ASPA: variants seen among roughly 807,000 people sequenced by gnomAD.
ASPA encodes the protein ACY-2.
ASPA carries 25 observed loss-of-function variants against 29.6 expected under a neutral mutation model. That is an observed-to-expected ratio of 0.85 (90% CI 0.62 to 1.18). ASPA has a LOEUF of 1.18. Ranked by LOEUF, ASPA falls within the 50% of genes most tolerant of loss-of-function variation. The pLI is 0.00. For synonymous variants in ASPA, 131 were observed against 130.3 expected, an observed-to-expected ratio of 1.01 and a Z score of -0.04; for missense variants, 333 against 385.7, an observed-to-expected ratio of 0.86 and a Z score of 1.14.
intron 1 of ASPA, among the ~76,000 whole-genome samples, chr17:3,477,615 G>A (rs2150743075): frequency 6.6e-6 from 1 of 151,986 alleles, no homozygotes; most frequent in African/African-American, 2.4e-5. Flanking sequence ...ACCATGTCCG[G>A]GTAATTTTTT....
rs2073699287 is a variant in ASPA, at chr17:3,485,275, G to T, written c.526+1683G>T. 1.3e-5 allele frequency among the ~76,000 whole-genome samples: 2 copies of T among 152,150 alleles called. 1 individual carries two copies. The highest frequency in any genetic ancestry group is 4.1e-4 in the South Asian group (2 of 4,826). ...TCCTCCCACCTTGGCCTCCCAAAGT[G>T]CTGGGATTACAAGCGTGAGCCACCA... On this transcript the variant is annotated intron_variant, in intron 3 of 5. Coordinates refer to ENST00000263080, the MANE Select transcript of ASPA (RefSeq NM_000049.4). This position sits in a 1 kb window ranked among gnomAD's most constrained non-coding sequence, Gnocchi z 4.4.
rs1597440488 is a variant in ASPA, at chr17:3,490,419, T to TA, written c.634+1077_634+1078insA. Among the ~76,000 whole-genome samples, 3 of 152,344 alleles carry TA rather than the reference T, an allele frequency of 2.0e-5. No homozygotes were observed. Among genetic ancestry groups the TA allele is most frequent in the South Asian group, 2.1e-4 (1 of 4,830 alleles). On this transcript the variant is annotated intron_variant, in intron 4 of 5. Coordinates refer to ENST00000263080, the MANE Select transcript of ASPA (RefSeq NM_000049.4). The surrounding 1 kb of genome is among the most constrained non-coding windows in gnomAD (Gnocchi z 4.6). ...TGCTTAAAATCAAAGAGACATTCTA[T>TA]GTAAACAATTATTCCAACAGACTGA...
At position 3,499,296 on chromosome 17, in the gene ASPA, G is replaced by A. The variant is rs1000478747; in HGVS notation, c.*208G>A. 8 of 468,686 alleles carry A rather than the reference G, an allele frequency of 1.7e-5. No homozygotes were observed. The highest frequency in any genetic ancestry group is 3.0e-5 in the Non-Finnish European group (8 of 270,346). The allele number at this position is 468,686 out of a possible 1,614,324, so 29.0% of individuals were successfully genotyped here. A position where few individuals can be genotyped will look rare whatever the true frequency, so the allele number is the denominator to read the frequency against. On this transcript the variant is annotated 3_prime_UTR_variant, in exon 6 of 6. Transcript: ENST00000263080. ...ATGTATGTAGCTTATTCAAAGAAGT[G>A]TTTCCTATTTCTATATAGTTTATTA...
intron 1 of ASPA, among the ~76,000 whole-genome samples, chr17:3,479,987 G>A (rs1479791999): frequency 2.0e-5 from 3 of 152,088 alleles, no homozygotes; most frequent in Non-Finnish European, 4.4e-5. Context: ...ACTGGCCCTT[G>A]TGCCAGAAAA....
At position 3,502,562 on chromosome 17, in the gene ASPA, G is replaced by A. The variant is rs2074003268; in HGVS notation, c.*3474G>A. 1 of 152,202 alleles carries A rather than the reference G, an allele frequency of 6.6e-6. No individual in the cohort carries two copies. The highest frequency in any genetic ancestry group is 6.5e-5 in the Admixed American group (1 of 15,280). 9.4% of individuals were successfully genotyped at this position (152,202 alleles called of 1,614,324 possible). On this transcript the variant is annotated 3_prime_UTR_variant, in exon 6 of 6. Coordinates refer to ENST00000263080, the MANE Select transcript of ASPA (RefSeq NM_000049.4). ...GGAGACTTTTAAGTGCTGTTTTGTA[G>A]ATGAAATATGAAAGAGAAACAAGGG...
At position 3,485,307 on chromosome 17, in the gene ASPA, T is replaced by C. The variant is rs1282854350; in HGVS notation, c.526+1715T>C. ...TTACAAGCGTGAGCCACCACACCTGTACCTCATTCACAGTTTTAATCACAC... is the reference window on the plus strand; with the variant it reads ...TTACAAGCGTGAGCCACCACACCTGCACCTCATTCACAGTTTTAATCACAC... On this transcript the variant is annotated intron_variant, in intron 3 of 5. Coordinates refer to ENST00000263080, the MANE Select transcript of ASPA (RefSeq NM_000049.4). The surrounding 1 kb of genome is among the most constrained non-coding windows in gnomAD (Gnocchi z 4.4). Among the ~76,000 whole-genome samples the C allele has an allele frequency of 6.6e-6, 1 of 152,116 alleles. No homozygotes were observed. Among genetic ancestry groups the C allele is most frequent in the East Asian group, 1.9e-4 (1 of 5,188 alleles).
intron 1 of ASPA, among the ~76,000 whole-genome samples, chr17:3,477,482 T>G (rs1433160411): frequency 6.6e-6 from 1 of 152,174 alleles, no homozygotes; most frequent in African/African-American, 2.4e-5. Context: ...AGATGGAGTT[T>G]CGCTCTTGTT....
chr17:3,488,358 G>A lies in ASPA; in HGVS notation c.527-877G>A, dbSNP rs187215379. Among the ~76,000 whole-genome samples, 218 of 152,208 alleles carry A rather than the reference G, an allele frequency of 1.4e-3. 1 individual carries two copies. The highest frequency in any genetic ancestry group is 3.4e-3 in the Middle Eastern group (1 of 294). Reference sequence around the variant, plus strand: ...AAGAAATGAACACAAGTTTTTTCCTGCATAAAATTAAAACCAGGCCAAGCA... The same window carrying A: ...AAGAAATGAACACAAGTTTTTTCCTACATAAAATTAAAACCAGGCCAAGCA... On this transcript the variant is annotated intron_variant, in intron 3 of 5. Coordinates refer to ENST00000263080, the MANE Select transcript of ASPA (RefSeq NM_000049.4). The surrounding 1 kb of genome is among the most constrained non-coding windows in gnomAD (Gnocchi z 6.1).
At position 3,482,303 on chromosome 17, in the gene ASPA, G is replaced by A. The variant is rs145607908; in HGVS notation, c.432+505G>A. Among the ~76,000 whole-genome samples the A allele has an allele frequency of 3.5e-3, 533 of 152,086 alleles. 1 individual carries two copies. Among genetic ancestry groups the A allele is most frequent in the African/African-American group, 0.011 (455 of 41,482 alleles). On this transcript the variant is annotated intron_variant, in intron 2 of 5. Transcript: ENST00000263080. ...ATTGCCTCCCTTTAGTCCTGCCCTC[G>A]TCCCCATTTGATTTAGACACCCCAG... is the stretch of plus-strand genomic sequence containing the variant.
rs1363548320 is a variant in ASPA at position 3,502,806 on chromosome 17, A to C, written c.*3718A>C. The C allele has an allele frequency of 6.6e-6, 1 of 152,216 alleles. No homozygotes were observed. The highest frequency in any genetic ancestry group is 2.4e-5 in the African/African-American group (1 of 41,442). The allele number at this position is 152,216 out of a possible 1,614,324, so 9.4% of individuals were successfully genotyped here. On this transcript the variant is annotated 3_prime_UTR_variant, in exon 6 of 6. Transcript: ENST00000263080. The stretch of plus-strand genomic sequence containing the variant: ...AAGAGGCCTATTCTTCACAGCTGTC[A>C]CTTCTCATTTTGAAAGAATATGCCC...
rs1397679837 is a variant in ASPA at position 3,481,612 on chromosome 17, G to GTCAGAAGAT, written c.248_256dup (p.Ser83_Asp85dup). 6.2e-7 allele frequency: 1 copy of GTCAGAAGAT among 1,613,252 alleles called. No individual in the cohort carries two copies. The highest frequency in any genetic ancestry group is 1.3e-5 in the African/African-American group (1 of 74,870). On this transcript the variant is annotated inframe_insertion, in exon 2 of 6. Coordinates refer to ENST00000263080, the MANE Select transcript of ASPA (RefSeq NM_000049.4). ...TTTCTGCTTATAACAGCAAAAAAAT[G>GTCAGAAGAT]TCAGAAGATTTGCCATATGAAGTGA...
rs189810006 is a variant in ASPA at position 3,487,617 on chromosome 17, G to A, written c.527-1618G>A. Among the ~76,000 whole-genome samples the A allele has an allele frequency of 2.3e-4, 35 of 152,256 alleles. 1 individual carries two copies. The highest frequency in any genetic ancestry group is 2.2e-3 in the Admixed American group (34 of 15,282). On this transcript the variant is annotated intron_variant, in intron 3 of 5. Transcript: ENST00000263080. ...TTTGATTTGTTTCAGCTAATTGCCT[G>A]TATTTGGATATTTAGCTTACTCTAA... is the stretch of plus-strand genomic sequence containing the variant.
At chr17:3,481,339 T>C (rs1436970401) in intron 1 of ASPA, among the ~76,000 whole-genome samples, 2 of 152,212 alleles carry the variant, frequency 1.3e-5, no homozygotes, top group Non-Finnish European at 2.9e-5. Context: ...TAAATTCTGT[T>C]TGATATGTCC....
rs1210351396 is a variant in ASPA at position 3,490,640 on chromosome 17, G to C, written c.634+1298G>C. On this transcript the variant is annotated intron_variant, in intron 4 of 5. Coordinates refer to ENST00000263080, the MANE Select transcript of ASPA (RefSeq NM_000049.4). The surrounding 1 kb of genome is among the most constrained non-coding windows in gnomAD (Gnocchi z 4.6). ...TTTGCTTTTTACCATCTTTGTCTGA[G>C]GGCAGGTTCTATACTGTCTAATGGA... 1.3e-5 allele frequency among the ~76,000 whole-genome samples: 2 copies of C among 152,160 alleles called. No homozygotes were observed. The highest frequency in any genetic ancestry group is 2.4e-5 in the African/African-American group (1 of 41,432).
At chr17:3,493,228 T>A (rs1294909924) in intron 4 of ASPA, among the ~76,000 whole-genome samples, 1 of 152,196 alleles carries the variant, frequency 6.6e-6, no homozygotes, top group Non-Finnish European at 1.5e-5. Context: ...CATCACAAGA[T>A]CTCATTACTC....
At chr17:3,481,059 G>T (rs528094085) in intron 1 of ASPA, among the ~76,000 whole-genome samples, 138 of 151,682 alleles carry the variant, frequency 9.1e-4, no homozygotes, top group Non-Finnish European at 1.6e-3. Context: ...GGAGTTTGAG[G>T]GTACAGTGAT....
chr17:3,479,351 G>A (rs1009685153), intron 1 of ASPA, among the ~76,000 whole-genome samples: 4 of 152,232 alleles, frequency 2.6e-5, no homozygotes, highest in East Asian at 1.9e-4. Flanking sequence ...CAAAATTGTC[G>A]GGCGCGACCT....
rs1469877404 is a variant in ASPA at position 3,502,552 on chromosome 17, C to T, written c.*3464C>T. 2 of 152,112 alleles carry T rather than the reference C, an allele frequency of 1.3e-5. No individual in the cohort carries two copies. The highest frequency in any genetic ancestry group is 1.9e-4 in the East Asian group (1 of 5,192). The allele number at this position is 152,112 out of a possible 1,614,324, so 9.4% of individuals were successfully genotyped here. On this transcript the variant is annotated 3_prime_UTR_variant, in exon 6 of 6. Coordinates refer to ENST00000263080, the MANE Select transcript of ASPA (RefSeq NM_000049.4). Reference sequence around the variant, plus strand: ...GAAATCCAGAGGAGACTTTTAAGTGCTGTTTTGTAGATGAAATATGAAAGA... The same window carrying T: ...GAAATCCAGAGGAGACTTTTAAGTGTTGTTTTGTAGATGAAATATGAAAGA...
rs1597441198 is a variant in ASPA, at chr17:3,491,000, A to G, written c.634+1658A>G. The stretch of plus-strand genomic sequence containing the variant: ...GGTGGATTTTCAACTGAGCACTCCT[A>G]TCCACAGAATGCTGACAAATGAATC... On this transcript the variant is annotated intron_variant, in intron 4 of 5. Coordinates refer to ENST00000263080, the MANE Select transcript of ASPA (RefSeq NM_000049.4). This position sits in a 1 kb window ranked among gnomAD's most constrained non-coding sequence, Gnocchi z 4.6. 6.6e-6 allele frequency among the ~76,000 whole-genome samples: 1 copy of G among 152,222 alleles called. No homozygotes were observed. Among genetic ancestry groups the G allele is most frequent in the Non-Finnish European group, 1.5e-5 (1 of 68,036 alleles).
Sources: gnomAD v4.1 joint callset for allele counts (sites outside exome capture counted in the v4.1 genomes callset) on GRCh38, gnomAD v4.1.1 for gene constraint, Gnocchi (gnomAD v3.1) non-coding constraint, MANE v1.5 for transcripts, NCBI Gene and HGNC (gene_info 2026-07-23, HGNC 2026-07-21) for gene names.